ATP8B4: variants seen among roughly 807,000 people sequenced by gnomAD.
The protein encoded by ATP8B4 is probable phospholipid-transporting ATPase IM.
A neutral mutation model predicts 145.6 loss-of-function variants in ATP8B4; 133 were observed. The ratio of observed to expected loss-of-function variants is 0.91; its 90% confidence interval spans 0.79 to 1.05. The LOEUF (loss-of-function observed/expected upper bound fraction) is 1.05, where lower values mean the gene tolerates loss of function less well. ATP8B4 is among the 50% of genes least tolerant of loss of function. ATP8B4 has a pLI of 0.00. For synonymous variants in ATP8B4, 507 were observed against 492.9 expected (o/e 1.03, Z -0.38); for missense variants, 1,458 against 1,425.2 (o/e 1.02, Z -0.37).
intron 3 of ATP8B4, among the ~76,000 whole-genome samples, chr15:50,070,562 C>T (rs1036156384): frequency 8.5e-5 from 13 of 152,298 alleles, no homozygotes; most frequent in South Asian, 2.1e-4. Context: ...GGGTCCCATG[C>T]TCCTAAGAGC....
intron 5 of ATP8B4, 86 bp from the exon 6 acceptor site, chr15:50,038,915 T>C: frequency 8.3e-7 from 1 of 1,206,438 alleles, no homozygotes; most frequent in South Asian, 1.2e-5. Context: ...TTTGAGTTCA[T>C]CCATTTAAAC....
At chr15:50,070,122 C>T (rs2053631254) in intron 3 of ATP8B4, among the ~76,000 whole-genome samples, 1 of 152,022 alleles carries the variant, frequency 6.6e-6, no homozygotes, top group African/African-American at 2.4e-5. Flanking sequence ...ATATGGTGAG[C>T]CCTACCTGTT....
At chr15:50,085,081 C>T (rs1227832540) in intron 2 of ATP8B4, among the ~76,000 whole-genome samples, 3 of 152,140 alleles carry the variant, frequency 2.0e-5, no homozygotes, top group African/African-American at 7.2e-5. Flanking sequence ...TCTGAAGACA[C>T]AGAAGCCAGT....
At chr15:50,085,171 G>A (rs1337388054) in intron 2 of ATP8B4, among the ~76,000 whole-genome samples, 2 of 152,136 alleles carry the variant, frequency 1.3e-5, no homozygotes, top group African/African-American at 2.4e-5. Flanking sequence ...CACCACCAGA[G>A]GCCAAGTTAC....
intron 6 of ATP8B4, among the ~76,000 whole-genome samples, chr15:50,029,404 A>T (rs886648963): frequency 9.2e-5 from 14 of 152,100 alleles, no homozygotes; most frequent in Non-Finnish European, 1.9e-4. Flanking sequence ...AGCTTCAAGC[A>T]TTCCTTGGCT....
rs2040149616 is a variant in ATP8B4 at position 49,920,389 on chromosome 15, G to A, written c.1780C>T (p.Arg594Trp). ...HLSEFAGEGL[R>W]TLAIAYRDLD... ...TCTCTGTATGCGATGGCCAAGGTCC[G>A]AAGGCCTTCCCCTGCAAATTCCTGC... Residue 594 changes from arginine (R) to tryptophan (W), a missense_variant, in exon 18 of 28, where the codon CGG (arginine) becomes TGG (tryptophan). Arg to Trp is a moderately radical substitution (Grantham distance 101, BLOSUM62 -3). Transcript: ENST00000284509. The A allele has an allele frequency of 3.7e-6, 6 of 1,613,808 alleles. No homozygotes were observed. The highest frequency in any genetic ancestry group is 4.2e-6 in the Non-Finnish European group (5 of 1,179,884).
intron 24 of ATP8B4, 94 bp downstream of exon 24, chr15:49,879,282 C>A: frequency 9.0e-7 from 1 of 1,110,880 alleles, no homozygotes. Flanking sequence ...ATTCCTAGGG[C>A]TGCTACTTAG....
chr15:50,116,259 A>G (rs1366382164), intron 1 of ATP8B4, among the ~76,000 whole-genome samples: 1 of 152,116 alleles, frequency 6.6e-6, no homozygotes, highest in Non-Finnish European at 1.5e-5. Flanking sequence ...CTGTTCAAGT[A>G]AAATAAAATA....
intron 23 of ATP8B4, among the ~76,000 whole-genome samples, chr15:49,886,416 G>T (rs1218175104): frequency 1.3e-5 from 2 of 152,096 alleles, no homozygotes; most frequent in Non-Finnish European, 2.9e-5. Flanking sequence ...GAGGGAGGAT[G>T]GGGGGAGCAT....
At chr15:50,125,601 C>T (rs539418312) in intron 1 of ATP8B4, among the ~76,000 whole-genome samples, 8 of 152,260 alleles carry the variant, frequency 5.3e-5, no homozygotes, top group African/African-American at 1.4e-4. Flanking sequence ...GTCTGCACTA[C>T]GGGAGGTTCG....
intron 9 of ATP8B4, among the ~76,000 whole-genome samples, chr15:49,995,501 G>A (rs954467661): frequency 1.3e-5 from 2 of 151,908 alleles, no homozygotes; most frequent in East Asian, 1.9e-4. Context: ...ATCTCAATTC[G>A]GAGGAATTTT....
intron 3 of ATP8B4, among the ~76,000 whole-genome samples, chr15:50,056,158 G>A (rs777464126): frequency 9.2e-5 from 14 of 152,158 alleles, no homozygotes; most frequent in Non-Finnish European, 1.8e-4. Context: ...CCAGACTTGA[G>A]CAGAAAACGT....
chr15:49,904,665 T>C (rs539141870), intron 20 of ATP8B4, among the ~76,000 whole-genome samples: 1 of 152,312 alleles, frequency 6.6e-6, no homozygotes, highest in South Asian at 2.1e-4. Flanking sequence ...GCCCCATCAC[T>C]CCCTGATGTA....
At chr15:50,158,496 C>G (rs957885252) in intron 1 of ATP8B4, among the ~76,000 whole-genome samples, 10 of 150,376 alleles carry the variant, frequency 6.7e-5, no homozygotes, top group African/African-American at 2.2e-4. Flanking sequence ...GGGGGCGCCT[C>G]CGCCCGGCCA....
At chr15:50,096,419 T>C (rs1001056707) in intron 2 of ATP8B4, among the ~76,000 whole-genome samples, 9 of 152,278 alleles carry the variant, frequency 5.9e-5, no homozygotes, top group Admixed American at 5.2e-4. Context: ...GTGAATAAAG[T>C]TAAAGCAGCA....
intron 23 of ATP8B4, among the ~76,000 whole-genome samples, chr15:49,881,132 C>CA (rs546354499): frequency 7.2e-6 from 1 of 139,830 alleles, no homozygotes; most frequent in African/African-American, 2.6e-5. Flanking sequence ...AACAAACAAA[C>CA]AAAAAAAAGC....
intron 14 of ATP8B4, among the ~76,000 whole-genome samples, chr15:49,946,532 C>T (rs2042579457): frequency 6.6e-6 from 1 of 152,100 alleles, no homozygotes; most frequent in African/African-American, 2.4e-5. Flanking sequence ...TTAAACAGAT[C>T]ATTCAAGCAT....
At chr15:49,995,868 T>A (rs972903696) in intron 9 of ATP8B4, among the ~76,000 whole-genome samples, 1 of 152,114 alleles carries the variant, frequency 6.6e-6, no homozygotes, top group African/African-American at 2.4e-5. Context: ...CTCCAGAGAT[T>A]CTCTCTGCAG....
chr15:50,080,950 A>AAAAATACGG (rs1193385075), intron 2 of ATP8B4, among the ~76,000 whole-genome samples: 1 of 152,058 alleles, frequency 6.6e-6, no homozygotes, highest in East Asian at 1.9e-4. Context: ...CATCTCTACG[A>AAAAATACGG]AAAATACAAA....
Sources: allele counts gnomAD v4.1 joint callset (sites outside exome capture counted in the v4.1 genomes callset), GRCh38; gene constraint gnomAD v4.1.1; transcripts MANE v1.5; gene names NCBI Gene and HGNC (gene_info 2026-07-23, HGNC 2026-07-21).